The following PSG6 variants were observed in gnomAD, a reference collection of about 807,000 sequenced individuals.
The protein encoded by PSG6 is pregnancy-specific beta-1-glycoprotein 6.
A neutral mutation model predicts 43.3 loss-of-function variants in PSG6; 51 were observed. That is an observed-to-expected ratio of 1.18 (90% CI 0.94 to 1.49). PSG6 has a LOEUF of 1.49. Ranked by LOEUF, PSG6 falls within the 40% of genes most tolerant of loss-of-function variation. The pLI is 0.00. For synonymous variants in PSG6, 292 were observed against 197.6 expected (o/e 1.48, Z -4.01); for missense variants, 770 against 522.2 (o/e 1.47, Z -4.62).
chr19:42,910,168 G>C (rs1972191433), intron 3 of PSG6: 1 of 320,846 alleles, frequency 3.1e-6, no homozygotes, highest in Non-Finnish European at 5.9e-6. Context: ...GGAGCATCCA[G>C]GCCATGCGGA....
intron 3 of PSG6, among the ~76,000 whole-genome samples, chr19:42,909,049 C>A (rs1237057532): frequency 1.4e-4 from 22 of 151,760 alleles, no homozygotes; most frequent in African/African-American, 5.3e-4. Flanking sequence ...TTTTGGATTT[C>A]TGATATTTTT....
intron 3 of PSG6, chr19:42,908,084 A>T: frequency 1.3e-6 from 1 of 769,522 alleles, no homozygotes; most frequent in South Asian, 2.0e-5. Context: ...ATTGAGCAGC[A>T]GTGTTGGGTC....
rs1972201947 is a variant in PSG6 at position 42,910,626 on chromosome 19, G to A, written c.660C>T (p.Asn220=). The change falls in exon 3 of 6, where the codon AAC becomes AAT. Residue 220 remains asparagine, a synonymous_variant. Coordinates refer to ENST00000187910, the MANE Select transcript of PSG6 (RefSeq NM_001031850.4). The part of the protein sequence containing the change: ...IAGPYECEIR[N]PVSASRSDPV... ...GGTCACTGCGGCTGGCACTCACTGG[G>A]TTCCGTATTTCACATTCATAGGGTC... 2.5e-6 allele frequency: 4 copies of A among 1,612,446 alleles called. No homozygotes were observed. The highest frequency in any genetic ancestry group is 1.1e-5 in the South Asian group (1 of 90,636).
At chr19:42,911,748 G>A (rs1322873205) in intron 2 of PSG6, among the ~76,000 whole-genome samples, 1 of 151,750 alleles carries the variant, frequency 6.6e-6, no homozygotes, top group African/African-American at 2.4e-5. Flanking sequence ...GTGTTTGGTG[G>A]ATATTAGACC....
Position 42,906,708 on chromosome 19 carries a change from C to T in PSG6, c.1240+214G>A, listed in dbSNP as rs1063012. The stretch of plus-strand genomic sequence containing the variant: ...CTGATAAAGCCCCCTCCCTACCTTT[C>T]TCAGGCCAGACACAAGGTCAGCCAT... On this transcript the variant is annotated intron_variant, in intron 5 of 5. Transcript: ENST00000187910. 9.4e-6 allele frequency: 14 copies of T among 1,483,648 alleles called. 2 individuals are homozygous for T. The East Asian group carries it at 2.8e-4, about 30-fold the overall frequency. 91.9% of individuals were successfully genotyped at this position (1,483,648 alleles called of 1,614,324 possible).
intron 2 of PSG6, among the ~76,000 whole-genome samples, chr19:42,911,812 CT>C (rs772521976): frequency 1.3e-5 from 2 of 151,646 alleles, no homozygotes; most frequent in Non-Finnish European, 2.9e-5. Context: ...ATTCTACTCT[CT>C]GATTCTGAGT....
chr19:42,917,255 G>A (rs759382619), intron 1 of PSG6, among the ~76,000 whole-genome samples: 6 of 151,276 alleles, frequency 4.0e-5, no homozygotes, highest in East Asian at 1.9e-4. Context: ...TACCAATTCC[G>A]GTTCAATGTG....
At position 42,902,436 on chromosome 19, in the gene PSG6, A is replaced by G; in HGVS notation, c.1251T>C (p.His417=). The change falls in exon 6 of 6, where the codon CAT becomes CAC. Residue 417 remains histidine (H), a synonymous_variant. Coordinates refer to ENST00000187910, the MANE Select transcript of PSG6 (RefSeq NM_001031850.4). ...SMIVKVSGPC[H]GNQTESH is the part of the protein sequence containing the mutation. ...ATTAATGAGACTCTGTCTGGTTTCC[A>G]TGGCAGGGACCTGATTGACAGAAGG... is the stretch of plus-strand genomic sequence containing the variant. 1.9e-6 allele frequency: 3 copies of G among 1,611,296 alleles called. No individual in the cohort carries two copies. Among genetic ancestry groups the G allele is most frequent in the South Asian group, 1.1e-5 (1 of 90,642 alleles).
chr19:42,912,705 G>C (rs191373653), intron 2 of PSG6, among the ~76,000 whole-genome samples: 1 of 151,772 alleles, frequency 6.6e-6, no homozygotes, highest in African/African-American at 2.4e-5. Flanking sequence ...TTCTCTTAAG[G>C]TCAGGAAACA....
At position 42,907,850 on chromosome 19, in the gene PSG6, C is replaced by G. The variant is rs13175; in HGVS notation, c.711G>C (p.Lys237Asn). The change falls in exon 4 of 6, where the codon AAG becomes AAC. Residue 237 changes from lysine (K) to asparagine (N), a missense_variant. By Grantham distance (94) the Lys-to-Asn change is moderately conservative. Transcript: ENST00000187910. ...TGATGGTGATGTAAGGCATGGGCAG[C>G]TTCGCTGTGTGGATAACAGAAGATT... is the stretch of plus-strand genomic sequence containing the variant. ...SDPVTLNLLP[K>N]LPMPYITINN... 6.2e-7 allele frequency: 1 copy of G among 1,610,794 alleles called. No individual in the cohort carries two copies. Among genetic ancestry groups the G allele is most frequent in the African/African-American group, 1.4e-5 (1 of 73,922 alleles).
At chr19:42,903,349 A>T (rs1348268937) in intron 5 of PSG6, among the ~76,000 whole-genome samples, 4 of 151,610 alleles carry the variant, frequency 2.6e-5, no homozygotes, top group Non-Finnish European at 5.9e-5. Flanking sequence ...AAAAAGAAGA[A>T]AGAGCTCAGG....
At chr19:42,903,678 C>T (rs1428182910) in intron 5 of PSG6, 3 of 1,532,880 alleles carry the variant, frequency 2.0e-6, no homozygotes, top group Non-Finnish European at 2.6e-6. Context: ...TTTCTTGAAA[C>T]CAGGTGTTTG....
In PSG6 at chr19:42,912,494, A is replaced by G. The variant is rs186933144; in HGVS notation, c.428-1636T>C. 9.2e-5 allele frequency among the ~76,000 whole-genome samples: 14 copies of G among 151,742 alleles called. 1 individual carries two copies. Among genetic ancestry groups the G allele is most frequent in the East Asian group, 7.8e-4 (4 of 5,150 alleles). ...TGCCAAAGGTGATTTGAAATTAGCA[A>G]CTCCTTAAGTAGAGAGAGTCCTGTT... is the stretch of plus-strand genomic sequence containing the variant. On this transcript the variant is annotated intron_variant, in intron 2 of 5. Transcript: ENST00000187910.
At chr19:42,911,001 A>G in intron 2 of PSG6, 143 bp from the exon 3 acceptor site, 1 of 1,466,076 alleles carries the variant, frequency 6.8e-7, no homozygotes, top group Non-Finnish European at 9.1e-7. Context: ...GTTACAAGAC[A>G]GATGCATGGC....
intron 5 of PSG6, among the ~76,000 whole-genome samples, chr19:42,904,070 A>G (rs1362271718): frequency 6.6e-6 from 1 of 151,786 alleles, no homozygotes; most frequent in African/African-American, 2.4e-5. Flanking sequence ...ATAATCAGTA[A>G]GAAGATTGAA....
At position 42,907,768 on chromosome 19, in the gene PSG6, T is replaced by C; in HGVS notation, c.793A>G (p.Ser265Gly). 1 of 1,610,992 alleles carries C rather than the reference T, an allele frequency of 6.2e-7. No homozygotes were observed. The highest frequency in any genetic ancestry group is 1.3e-5 in the African/African-American group (1 of 74,806). The stretch of plus-strand genomic sequence containing the variant: ...CACCAAATGTAGGTGTAGTTCCGAC[T>C]CTTAGGTTCACAGGTGAAGGCTAAC... ...DVLAFTCEPK[S>G]RNYTYIWWLN... The change falls in exon 4 of 6, where the codon AGT (serine) becomes GGT (glycine). Residue 265 changes from serine to glycine, a missense_variant. Coordinates refer to ENST00000187910, the MANE Select transcript of PSG6 (RefSeq NM_001031850.4).
chr19:42,905,610 A>ATTTG (rs1176040878), intron 5 of PSG6, among the ~76,000 whole-genome samples: 1 of 151,736 alleles, frequency 6.6e-6, no homozygotes, highest in East Asian at 1.9e-4. Flanking sequence ...TTGAAGAAAT[A>ATTTG]TTTGTACACT....
At chr19:42,904,913 A>T (rs886776478) in intron 5 of PSG6, among the ~76,000 whole-genome samples, 2 of 151,718 alleles carry the variant, frequency 1.3e-5, no homozygotes, top group African/African-American at 4.8e-5. Context: ...TAATCAATAC[A>T]GTGTGGTACT....
At chr19:42,917,438 G>C (rs1277670082) in intron 1 of PSG6, among the ~76,000 whole-genome samples, 2 of 145,688 alleles carry the variant, frequency 1.4e-5, no homozygotes, top group African/African-American at 5.1e-5. Context: ...GTCTCGGCTA[G>C]CTGCAACTTC....
Sources: gnomAD v4.1 joint callset for allele counts (sites outside exome capture counted in the v4.1 genomes callset) on GRCh38, gnomAD v4.1.1 for gene constraint, MANE v1.5 for transcripts, NCBI Gene and HGNC (gene_info 2026-07-23, HGNC 2026-07-21) for gene names.